Variants in RSPH14 observed in about 807,000 individuals in gnomAD.
The protein encoded by RSPH14 is radial spoke head 14 homolog.
A neutral mutation model predicts 26.7 loss-of-function variants in RSPH14; 20 were observed. That is an observed-to-expected ratio of 0.75 (90% CI 0.53 to 1.09). RSPH14 has a LOEUF of 1.09. Ranked by LOEUF, RSPH14 falls within the 50% of genes least tolerant of loss-of-function variation. The pLI, the probability that RSPH14 is intolerant of heterozygous loss-of-function variation, is 0.00. For synonymous variants in RSPH14, 177 were observed against 189.3 expected, an observed-to-expected ratio of 0.93 and a Z score of 0.53; for missense variants, 449 against 457.2, an observed-to-expected ratio of 0.98 and a Z score of 0.16.
the RSPH14 span, among the ~76,000 whole-genome samples, chr22:23,157,824 C>T: frequency 6.6e-6 from 1 of 152,226 alleles, no homozygotes; most frequent in Non-Finnish European, 1.5e-5. Context: ...CGGTGGGGGA[C>T]AGCCATGGGG....
intron 4 of RSPH14, among the ~76,000 whole-genome samples, chr22:23,121,364 C>T (rs2070019670): frequency 6.6e-6 from 1 of 152,170 alleles, no homozygotes; most frequent in South Asian, 2.1e-4. Flanking sequence ...AGAGCTGTTC[C>T]TCAGAGAACT....
intron 4 of RSPH14, among the ~76,000 whole-genome samples, chr22:23,065,229 C>T (rs772155327): frequency 3.9e-5 from 6 of 152,152 alleles, no homozygotes; most frequent in Non-Finnish European, 7.4e-5. Flanking sequence ...AACCTTCTTC[C>T]CCCACTCCCT....
At chr22:23,074,242 G>A (rs2068451433) in intron 4 of RSPH14, among the ~76,000 whole-genome samples, 1 of 152,206 alleles carries the variant, frequency 6.6e-6, no homozygotes. Context: ...AAATAGGCTA[G>A]GGTGGGGTAA....
At chr22:23,077,829 C>T (rs1361331943) in intron 4 of RSPH14, among the ~76,000 whole-genome samples, 3 of 152,176 alleles carry the variant, frequency 2.0e-5, no homozygotes, top group African/African-American at 7.2e-5. Flanking sequence ...TCACCCTGAC[C>T]CCAGCAGGCC....
rs2068367629 is a variant in RSPH14, at chr22:23,071,322, G to A, written c.422-7189C>T. ...GTGCTGAGCCTTCCTGGGTGATGAT[G>A]GCAGGATTCGGCCTAGGCCGAGAAT... On this transcript the variant is annotated intron_variant, in intron 4 of 6. Transcript: ENST00000216036. The surrounding 1 kb of genome is among the most constrained non-coding windows in gnomAD (Gnocchi z 4.1). Among the ~76,000 whole-genome samples, 1 of 152,194 alleles carries A rather than the reference G, an allele frequency of 6.6e-6. No homozygotes were observed. The highest frequency in any genetic ancestry group is 1.5e-5 in the Non-Finnish European group (1 of 68,040).
intron 5 of RSPH14, among the ~76,000 whole-genome samples, chr22:23,062,576 T>C (rs947461080): frequency 1.3e-5 from 2 of 152,224 alleles, no homozygotes; most frequent in African/African-American, 4.8e-5. Flanking sequence ...TTAATCAACC[T>C]TTCCCAAATG....
intron 4 of RSPH14, among the ~76,000 whole-genome samples, chr22:23,114,859 C>T (rs2069777536): frequency 6.6e-6 from 1 of 152,170 alleles, no homozygotes; most frequent in African/African-American, 2.4e-5. Context: ...CTGCTTGCCT[C>T]CATCCCTCAC....
intron 4 of RSPH14, among the ~76,000 whole-genome samples, chr22:23,068,719 G>A (rs1162827778): frequency 6.6e-6 from 1 of 152,214 alleles, no homozygotes; most frequent in Non-Finnish European, 1.5e-5. Flanking sequence ...CCCAAGACAT[G>A]CTAATATGCA....
At position 23,138,891 on chromosome 22, in the gene RSPH14, C is replaced by A. The variant is rs199604021; in HGVS notation, c.251G>T (p.Arg84Leu). Reference protein sequence around the residue: ...ALLKDSNSMVRIKTTEVLHIT... With the variant: ...ALLKDSNSMVLIKTTEVLHIT... ...GTGGAGCACCTCGGTGGTCTTTATG[C>A]GCACCATACTGTTGCTATCCTTCAG... Residue 84 changes from arginine (R) to leucine (L), a missense_variant, in exon 3 of 7, where the codon CGC (arginine) becomes CTC (leucine). By Grantham distance (102) the Arg-to-Leu change is moderately radical. Transcript: ENST00000216036. 3 of 1,550,730 alleles carry A rather than the reference C, an allele frequency of 1.9e-6. No homozygotes were observed. The highest frequency in any genetic ancestry group is 2.4e-5 in the South Asian group (2 of 84,064).
intron 4 of RSPH14, among the ~76,000 whole-genome samples, chr22:23,116,032 G>A (rs941490389): frequency 1.3e-5 from 2 of 152,244 alleles, no homozygotes; most frequent in South Asian, 2.1e-4. Context: ...AGGCCGCTGG[G>A]GTCCCACAGC....
chr22:23,173,482 C>T, the RSPH14 span, among the ~76,000 whole-genome samples: 165 of 152,148 alleles, frequency 1.1e-3, no homozygotes, highest in African/African-American at 3.8e-3. Flanking sequence ...ACTCTGTCGC[C>T]CAGGCTGGAG....
At chr22:23,078,542 T>G (rs2068574125) in intron 4 of RSPH14, among the ~76,000 whole-genome samples, 1 of 152,242 alleles carries the variant, frequency 6.6e-6, no homozygotes, top group South Asian at 2.1e-4. Flanking sequence ...GTGTTTGTCT[T>G]GCCACGCTGG....
the RSPH14 span, among the ~76,000 whole-genome samples, chr22:23,171,788 G>C: frequency 6.8e-6 from 1 of 146,700 alleles, no homozygotes; most frequent in Admixed American, 7.0e-5. Flanking sequence ...ATTGCGGTGA[G>C]CTGAGATCTT....
intron 4 of RSPH14, among the ~76,000 whole-genome samples, chr22:23,121,679 T>C (rs568102363): frequency 6.6e-6 from 1 of 152,128 alleles, no homozygotes; most frequent in East Asian, 1.9e-4. Flanking sequence ...ACCACTTGCA[T>C]TACCACGGTC....
the RSPH14 span, chr22:23,161,734 C>T: frequency 9.8e-6 from 6 of 612,616 alleles, 1 homozygote; most frequent in Admixed American, 5.9e-5. Flanking sequence ...GGCACAGTCA[C>T]TTGTCCGTTG....
chr22:23,064,769 A>C (rs1202623140), intron 4 of RSPH14, among the ~76,000 whole-genome samples: 1 of 152,204 alleles, frequency 6.6e-6, no homozygotes, highest in East Asian at 1.9e-4. Flanking sequence ...GGGGCTCCAC[A>C]TGGCACAGCT....
upstream of RSPH14, among the ~76,000 whole-genome samples, chr22:23,144,471 T>C (rs1457350825): frequency 6.6e-6 from 1 of 152,204 alleles, no homozygotes; most frequent in Non-Finnish European, 1.5e-5. Flanking sequence ...GTTTATTTTA[T>C]AGTTGAGTAA....
the RSPH14 span, among the ~76,000 whole-genome samples, chr22:23,171,842 CA>C: frequency 3.1e-3 from 94 of 30,796 alleles, 2 homozygotes; most frequent in East Asian, 0.095. Flanking sequence ...AACTCTGTCT[CA>C]AAAAAAAAAA....
At chr22:23,177,259 G>C in the RSPH14 span, among the ~76,000 whole-genome samples, 1,385 of 152,074 alleles carry the variant, frequency 9.1e-3, 21 homozygotes, top group African/African-American at 0.032. Context: ...GCCTTTCCCC[G>C]AACTGTGCCT....
Sources: gnomAD v4.1 joint callset for allele counts (sites outside exome capture counted in the v4.1 genomes callset) on GRCh38, gnomAD v4.1.1 for gene constraint, Gnocchi (gnomAD v3.1) non-coding constraint, MANE v1.5 for transcripts, NCBI Gene and HGNC (gene_info 2026-07-23, HGNC 2026-07-21) for gene names.